The following LILRB1 variants were observed in gnomAD, a reference collection of about 807,000 sequenced individuals.
The protein encoded by LILRB1 is leukocyte immunoglobulin-like receptor subfamily B member 1.
LILRB1 carries 59 observed loss-of-function variants against 74.6 expected under a neutral mutation model. The ratio of observed to expected loss-of-function variants is 0.79; its 90% CI spans 0.64 to 0.98. The LOEUF is 0.98. LILRB1 is among the 50% of genes least tolerant of loss of function. The pLI is 0.00. For missense variants in LILRB1, 804 were observed against 822.6 expected (o/e 0.98, Z 0.28); for synonymous variants, 328 against 333.9 (o/e 0.98, Z 0.19).
At chr19:54,631,441 T>C in intron 3 of LILRB1, 59 bp from the exon 4 acceptor site, 1 of 1,600,376 alleles carries the variant, frequency 6.2e-7, no homozygotes, top group Non-Finnish European at 8.5e-7. Context: ...GGCTGAGAGC[T>C]GGAATCTGCT....
At chr19:54,634,270 G>A (rs1296598910) in intron 9 of LILRB1, 86 of 1,530,044 alleles carry the variant, frequency 5.6e-5, no homozygotes, top group South Asian at 3.5e-4. Context: ...TTCCGCGGGG[G>A]CCTGTCCCGT....
intron 10 of LILRB1, 67 bp from the exon 11 acceptor site, chr19:54,635,037 G>A (rs1355398961): frequency 7.0e-6 from 9 of 1,293,304 alleles, no homozygotes; most frequent in East Asian, 4.9e-5. Context: ...CCTTACCTTC[G>A]AGCTGTGTGT....
chr19:54,624,715 C>T (rs866156389), intron 1 of LILRB1, among the ~76,000 whole-genome samples: 5 of 152,228 alleles, frequency 3.3e-5, no homozygotes, highest in Middle Eastern at 3.4e-3. Flanking sequence ...AGGGGCTGGA[C>T]TGGGTTTTGG....
chr19:54,634,334 G>A lies in LILRB1; in HGVS notation c.1364-307G>A, dbSNP rs765362002. Reference sequence around the variant, plus strand: ...GGCAGGGGAGGGGAGAAGAGTCATGGTTCAGGACGGTCAGGCTCTTTCCCT... The same window carrying A: ...GGCAGGGGAGGGGAGAAGAGTCATGATTCAGGACGGTCAGGCTCTTTCCCT... On this transcript the variant is annotated intron_variant, in intron 9 of 14. Transcript: ENST00000324602. 5.2e-5 allele frequency: 80 copies of A among 1,541,728 alleles called. 1 individual carries two copies. In the South Asian group the frequency reaches 9.1e-4, roughly 17 times the overall value.
At position 54,634,061 on chromosome 19, in the gene LILRB1, G is replaced by A. The variant is rs778245150; in HGVS notation, c.1363+40G>A. ...CTGAGTGGGAGGTGGGCAGGGTCCA[G>A]GGGAGGCAGGGGTGGGTTCTGTCCT... On this transcript the variant is annotated intron_variant, in intron 9 of 14. Transcript: ENST00000324602. 5.8e-6 allele frequency: 9 copies of A among 1,564,612 alleles called. No homozygotes were observed. The South Asian group carries it at 1.1e-4, about 18-fold the overall frequency.
chr19:54,627,591 G>A (rs984489428), upstream of LILRB1, among the ~76,000 whole-genome samples: 3 of 152,198 alleles, frequency 2.0e-5, no homozygotes, highest in African/African-American at 7.2e-5. Context: ...AGATGCTCTC[G>A]AGAAAAAACT....
At chr19:54,635,754 C>A (rs143986934) in intron 13 of LILRB1, 145 bp downstream of exon 13, 6 of 957,346 alleles carry the variant, frequency 6.3e-6, no homozygotes, top group Non-Finnish European at 1.0e-5. Flanking sequence ...CCGCCTGCTG[C>A]GACCTCACTC....
chr19:54,617,408 T>A (rs1452300861), intron 1 of LILRB1: 3 of 152,196 alleles, frequency 2.0e-5, no homozygotes, highest in Non-Finnish European at 4.4e-5. Flanking sequence ...TCTCTTTCTC[T>A]ATTTTCTTTT....
At position 54,637,114 on chromosome 19, in the gene LILRB1, A is replaced by C. The variant is rs2064510917; in HGVS notation, c.*236A>C. The C allele has an allele frequency of 1.1e-5, 6 of 545,042 alleles. No individual in the cohort carries two copies. The East Asian group carries it at 1.7e-4, about 16-fold the overall frequency. 33.8% of individuals were successfully genotyped at this position (545,042 alleles called of 1,614,324 possible). On this transcript the variant is annotated 3_prime_UTR_variant, in exon 15 of 15. Transcript: ENST00000324602. ...CTGAGAAAACTAAGTCAGAAAGTGC[A>C]TTAAACTGAATCACAATGTAAATAT...
chr19:54,632,108 T>C lies in LILRB1; in HGVS notation c.532T>C (p.Ser178Pro), dbSNP rs1216109414. ...LNSQPHARGSSRAIFSVGPVS... is the reference protein window; with the variant it reads ...LNSQPHARGSPRAIFSVGPVS... ...CTCCCAGCCCCATGCCCGTGGGTCG[T>C]CCCGCGCCATCTTCTCCGTGGGCCC... Residue 178 changes from serine (S) to proline (P), a missense_variant, in exon 5 of 15, where the codon TCC becomes CCC. Coordinates refer to ENST00000324602, the MANE Select transcript of LILRB1 (RefSeq NM_001081637.3). 5.0e-6 allele frequency: 8 copies of C among 1,614,120 alleles called. No homozygotes were observed. The highest frequency in any genetic ancestry group is 1.1e-5 in the South Asian group (1 of 91,092).
chr19:54,634,343 G>C (rs758665148), intron 9 of LILRB1: 3 of 1,541,172 alleles, frequency 1.9e-6, no homozygotes, highest in South Asian at 2.4e-5. Flanking sequence ...GGTTCAGGAC[G>C]GTCAGGCTCT....
Position 54,636,269 on chromosome 19 carries a change from C to G in LILRB1, c.1654-225C>G, listed in dbSNP as rs548612477. The G allele has an allele frequency of 1.9e-4, 164 of 863,396 alleles. No individual in the cohort carries two copies. The African/African-American group carries it at 2.7e-3, about 14-fold the overall frequency. 53.5% of individuals were successfully genotyped at this position (863,396 alleles called of 1,614,324 possible). A position where few individuals can be genotyped will look rare whatever the true frequency, so the allele number is the denominator to read the frequency against. On this transcript the variant is annotated intron_variant, in intron 13 of 14. Coordinates refer to ENST00000324602, the MANE Select transcript of LILRB1 (RefSeq NM_001081637.3). ...AAAGGCCCCCAGGCAGCAGCGAGCTCTTGCAGGAAGGCCCGTGAGGCTGCA... is the reference window on the plus strand; with the variant it reads ...AAAGGCCCCCAGGCAGCAGCGAGCTGTTGCAGGAAGGCCCGTGAGGCTGCA...
chr19:54,627,029 G>A (rs896631778), upstream of LILRB1, among the ~76,000 whole-genome samples: 1 of 152,160 alleles, frequency 6.6e-6, no homozygotes, highest in Non-Finnish European at 1.5e-5. Flanking sequence ...CTATCCCAGG[G>A]TCTGTCCACA....
chr19:54,631,453 G>T (rs755675906), intron 3 of LILRB1, 47 bp from the exon 4 acceptor site: 1 of 1,597,310 alleles, frequency 6.3e-7, no homozygotes, highest in African/African-American at 1.4e-5. Flanking sequence ...GAATCTGCTG[G>T]GTTGGGTGGG....
intron 13 of LILRB1, 100 bp from the exon 14 acceptor site, chr19:54,636,394 G>T (rs1188899354): frequency 3.7e-5 from 57 of 1,554,756 alleles, no homozygotes; most frequent in Admixed American, 1.1e-4. Context: ...GATTCCATCG[G>T]GAAAGGGATG....
intron 6 of LILRB1, 117 bp from the exon 7 acceptor site, chr19:54,632,899 A>AG (rs1038482723): frequency 4.2e-6 from 3 of 708,388 alleles, no homozygotes; most frequent in Non-Finnish European, 6.7e-6. Context: ...ATGGGCGGGG[A>AG]GGGGGAGACT....
rs1393181435 is a variant in LILRB1 at position 54,632,983 on chromosome 19, G to A, written c.959-33G>A. 8 of 1,599,978 alleles carry A rather than the reference G, an allele frequency of 5.0e-6. No homozygotes were observed. The South Asian group carries it at 7.8e-5, about 16-fold the overall frequency. On this transcript the variant is annotated intron_variant, in intron 6 of 14. Transcript: ENST00000324602. Reference sequence around the variant, plus strand: ...GGAGGTGTCAGCTCAGAGCAAGGTGGGGCAGCCCCTCGCCCATCCTTCTTC... The same window carrying A: ...GGAGGTGTCAGCTCAGAGCAAGGTGAGGCAGCCCCTCGCCCATCCTTCTTC...
chr19:54,637,937 G>C lies in LILRB1; in HGVS notation c.*1059G>C, dbSNP rs2064563969. ...GAACATAAGAGTAATCAGAGAATCT[G>C]ACTCATTTTAGATGTGTGTGTGTGT... On this transcript the variant is annotated 3_prime_UTR_variant, in exon 15 of 15. Transcript: ENST00000324602. Among the ~76,000 whole-genome samples, 1 of 152,086 alleles carries C rather than the reference G, an allele frequency of 6.6e-6. No individual in the cohort carries two copies. The highest frequency in any genetic ancestry group is 2.1e-4 in the South Asian group (1 of 4,832).
rs753469234 is a variant in LILRB1, at chr19:54,635,152, A to G, written c.1535A>G (p.Glu512Gly). The stretch of plus-strand genomic sequence containing the variant: ...CATCCTGCAGGGGCTGTGGGGCCAG[A>G]GCCCACAGACAGAGGCCTGCAGTGG... The part of the protein sequence containing the change: ...FQHPAGAVGP[E>G]PTDRGLQWRS... The change falls in exon 11 of 15, where the codon GAG becomes GGG. Residue 512 changes from glutamate (E) to glycine (G), a missense_variant. Glu to Gly is a moderately conservative substitution (Grantham distance 98). Coordinates refer to ENST00000324602, the MANE Select transcript of LILRB1 (RefSeq NM_001081637.3). 1.9e-6 allele frequency: 3 copies of G among 1,593,226 alleles called. No homozygotes were observed. The highest frequency in any genetic ancestry group is 2.6e-6 in the Non-Finnish European group (3 of 1,164,620).
Sources: allele counts gnomAD v4.1 joint callset (sites outside exome capture counted in the v4.1 genomes callset), GRCh38; gene constraint gnomAD v4.1.1; transcripts MANE v1.5; gene names NCBI Gene and HGNC (gene_info 2026-07-23, HGNC 2026-07-21).